The following TCF12 variants were observed in gnomAD, a reference collection of about 807,000 sequenced individuals.
The protein encoded by TCF12 is transcription factor 12, also known as DNA-binding protein HTF4.
A neutral mutation model predicts 86.0 loss-of-function variants in TCF12; 45 were observed. The ratio of observed to expected loss-of-function variants is 0.52; its 90% CI spans 0.41 to 0.67. The LOEUF (loss-of-function observed/expected upper bound fraction) is 0.67, where lower values mean the gene tolerates loss of function less well. Among genes scored for constraint, TCF12 ranks in the 30% least tolerant of loss-of-function variants. The pLI is 0.00. For missense variants in TCF12, 881 were observed against 859.9 expected, an observed-to-expected ratio of 1.02 and a Z score of -0.31; for synonymous variants, 330 against 299.6, an observed-to-expected ratio of 1.10 and a Z score of -1.05.
chr15:57,165,163 T>TGCGC (rs1555524413), intron 5 of TCF12, among the ~76,000 whole-genome samples: 27 of 149,286 alleles, frequency 1.8e-4, no homozygotes, highest in South Asian at 4.2e-4. Flanking sequence ...TGTGTGTGTG[T>TGCGC]GCGTACACGA....
intron 5 of TCF12, among the ~76,000 whole-genome samples, chr15:57,098,969 TTC>T (rs761658108): frequency 5.3e-5 from 8 of 152,284 alleles, no homozygotes; most frequent in Admixed American, 1.3e-4. Flanking sequence ...GAGTACAGTG[TTC>T]TGGTCTCTCC....
chr15:57,104,872 T>G (rs1391518731), intron 5 of TCF12, among the ~76,000 whole-genome samples: 1 of 134,360 alleles, frequency 7.4e-6, no homozygotes, highest in African/African-American at 2.9e-5. Context: ...TTTTTTTTTT[T>G]TTTTTTTTTT....
chr15:57,065,786 A>G (rs928531026), intron 4 of TCF12, among the ~76,000 whole-genome samples: 5 of 152,174 alleles, frequency 3.3e-5, no homozygotes, highest in African/African-American at 9.7e-5. Context: ...TTATAGGTCA[A>G]ATGTGAAATG....
At chr15:57,185,627 C>G (rs139996657) in intron 6 of TCF12, among the ~76,000 whole-genome samples, 1 of 152,152 alleles carries the variant, frequency 6.6e-6, no homozygotes. Context: ...TGACTCACAC[C>G]TTAATTCCAG....
chr15:57,259,092 T>C (rs1253737017), intron 16 of TCF12, among the ~76,000 whole-genome samples: 1 of 152,176 alleles, frequency 6.6e-6, no homozygotes, highest in African/African-American at 2.4e-5. Context: ...TAAATTTTTA[T>C]TTTTATTAAG....
intron 5 of TCF12, among the ~76,000 whole-genome samples, chr15:57,108,744 T>G (rs1293065424): frequency 6.6e-6 from 1 of 152,110 alleles, no homozygotes; most frequent in Non-Finnish European, 1.5e-5. Context: ...ATTCATAACT[T>G]CCCCTTGAGT....
chr15:57,024,951 A>G (rs1168893497), intron 3 of TCF12, among the ~76,000 whole-genome samples: 3 of 152,202 alleles, frequency 2.0e-5, no homozygotes, highest in African/African-American at 4.8e-5. Flanking sequence ...TAGTCAAGGT[A>G]ATATCTGGCT....
intron 5 of TCF12, among the ~76,000 whole-genome samples, chr15:57,116,085 T>C (rs531626644): frequency 1.3e-5 from 2 of 152,320 alleles, no homozygotes; most frequent in East Asian, 3.9e-4. Flanking sequence ...GTATTGTTAG[T>C]CCCACCTTAT....
At chr15:56,977,557 G>A (rs139719651) in intron 3 of TCF12, among the ~76,000 whole-genome samples, 1 of 149,792 alleles carries the variant, frequency 6.7e-6, no homozygotes, top group Admixed American at 7.0e-5. Flanking sequence ...GTGTGTGTGT[G>A]TGTGTGTATG....
chr15:57,179,090 G>A (rs186591926), intron 6 of TCF12, among the ~76,000 whole-genome samples: 323 of 152,020 alleles, frequency 2.1e-3, no homozygotes, highest in Middle Eastern at 6.8e-3. Flanking sequence ...TTCCTATTGC[G>A]ACTAATAATT....
intron 3 of TCF12, among the ~76,000 whole-genome samples, chr15:57,016,866 A>G (rs920840668): frequency 6.8e-4 from 104 of 152,296 alleles, no homozygotes; most frequent in African/African-American, 2.3e-3. Context: ...TTATCTCTCC[A>G]GAGCAAAAGT....
At chr15:57,155,654 A>G (rs1205842257) in intron 5 of TCF12, among the ~76,000 whole-genome samples, 4 of 152,118 alleles carry the variant, frequency 2.6e-5, no homozygotes, top group Non-Finnish European at 5.9e-5. Flanking sequence ...AAATTAACCT[A>G]TGTGGGTGTG....
intron 6 of TCF12, among the ~76,000 whole-genome samples, chr15:57,169,181 A>G (rs1597011578): frequency 6.6e-6 from 1 of 152,234 alleles, no homozygotes; most frequent in East Asian, 1.9e-4. Context: ...CATATCATTA[A>G]GCTAACTTGT....
intron 8 of TCF12, among the ~76,000 whole-genome samples, chr15:57,212,748 G>A (rs1220326208): frequency 6.6e-6 from 1 of 152,142 alleles, no homozygotes; most frequent in African/African-American, 2.4e-5. Flanking sequence ...TAGTTTAATG[G>A]TTTAATGCCT....
intron 7 of TCF12, among the ~76,000 whole-genome samples, chr15:57,192,962 A>G (rs2057062321): frequency 6.6e-6 from 1 of 152,184 alleles, no homozygotes; most frequent in Non-Finnish European, 1.5e-5. Context: ...AGTAGTGAAA[A>G]ATGAGACTTA....
chr15:56,970,476 T>A (rs1330813223), intron 3 of TCF12, among the ~76,000 whole-genome samples: 4 of 39,530 alleles, frequency 1.0e-4, no homozygotes, highest in Admixed American at 4.8e-4. Context: ...CGAGACTCCA[T>A]CTCAAAAAAA....
At chr15:57,160,432 C>G (rs575428780) in intron 5 of TCF12, among the ~76,000 whole-genome samples, 7 of 152,320 alleles carry the variant, frequency 4.6e-5, no homozygotes, top group Admixed American at 4.6e-4. Context: ...CACCAGGTCC[C>G]TCCCACGACG....
At chr15:57,166,900 C>T (rs2054936636) in intron 6 of TCF12, among the ~76,000 whole-genome samples, 1 of 152,136 alleles carries the variant, frequency 6.6e-6, no homozygotes, top group South Asian at 2.1e-4. Context: ...TCACACCCTC[C>T]CTGACTTGGA....
At chr15:57,005,346 T>G (rs1596070568) in intron 3 of TCF12, among the ~76,000 whole-genome samples, 1 of 152,098 alleles carries the variant, frequency 6.6e-6, no homozygotes, top group South Asian at 2.1e-4. Flanking sequence ...ACACTGCACG[T>G]GTTTCCTAGA....
Sources: allele counts gnomAD v4.1 joint callset (sites outside exome capture counted in the v4.1 genomes callset), GRCh38; gene constraint gnomAD v4.1.1; transcripts MANE v1.5; gene names NCBI Gene and HGNC (gene_info 2026-07-23, HGNC 2026-07-21).